The following DOCK2 variants were observed in gnomAD, a reference collection of about 807,000 sequenced individuals.
DOCK2 encodes dedicator of cytokinesis 2, also known as dedicator of cytokinesis protein 2.
Under a neutral mutation model 248.9 loss-of-function variants are expected in DOCK2, and 87 were observed. The observed-to-expected ratio is 0.35, with a 90% CI of 0.29 to 0.42. The LOEUF (loss-of-function observed/expected upper bound fraction) is 0.42. Ranked by LOEUF, DOCK2 falls within the 10% of genes least tolerant of loss-of-function variation. The probability of loss-of-function intolerance (pLI) is 1.00; values close to 1 mark genes in which losing one functional copy is unlikely to be tolerated. For missense variants in DOCK2, 1,747 were observed against 2,300.2 expected, an observed-to-expected ratio of 0.76 and a Z score of 4.92; for synonymous variants, 805 against 821.6, an observed-to-expected ratio of 0.98 and a Z score of 0.35.
chr5:169,995,379 A>G (rs1754581633), intron 29 of DOCK2, among the ~76,000 whole-genome samples: 1 of 152,202 alleles, frequency 6.6e-6, no homozygotes, highest in Admixed American at 6.6e-5. Context: ...AGGGGTATAT[A>G]TAGGAGGTAT....
At chr5:169,696,667 C>T (rs1243248025) in intron 10 of DOCK2, among the ~76,000 whole-genome samples, 7 of 152,030 alleles carry the variant, frequency 4.6e-5, no homozygotes, top group East Asian at 3.8e-4. Context: ...AAGAGTATAC[C>T]GTGCATAACC....
At chr5:169,729,271 G>A (rs530137221) in intron 22 of DOCK2, among the ~76,000 whole-genome samples, 2 of 152,350 alleles carry the variant, frequency 1.3e-5, no homozygotes, top group South Asian at 2.1e-4. Flanking sequence ...ATGACTAGAC[G>A]TACTTTGTGA....
chr5:169,975,100 G>A (rs1223917392), intron 27 of DOCK2, among the ~76,000 whole-genome samples: 1 of 152,154 alleles, frequency 6.6e-6, no homozygotes, highest in Non-Finnish European at 1.5e-5. Context: ...TAAAGTCCAT[G>A]CCCACACCTG....
intron 1 of DOCK2, among the ~76,000 whole-genome samples, chr5:169,641,780 A>G (rs1757166305): frequency 6.6e-6 from 1 of 152,090 alleles, no homozygotes; most frequent in Non-Finnish European, 1.5e-5. Context: ...ATACTCTAAT[A>G]CCACAGTGGT....
chr5:169,815,834 A>T (rs951765880), intron 26 of DOCK2, among the ~76,000 whole-genome samples: 1 of 151,914 alleles, frequency 6.6e-6, no homozygotes, highest in Non-Finnish European at 1.5e-5. Context: ...CTGACCCATA[A>T]ATGGCGTGGC....
intron 44 of DOCK2, among the ~76,000 whole-genome samples, chr5:170,058,465 A>G (rs563425801): frequency 2.6e-5 from 4 of 152,236 alleles, no homozygotes; most frequent in East Asian, 3.9e-4. Flanking sequence ...GTGATATATG[A>G]GGGATTGCTA....
chr5:169,936,443 A>G (rs1172761302), intron 27 of DOCK2, among the ~76,000 whole-genome samples: 1 of 152,206 alleles, frequency 6.6e-6, no homozygotes, highest in Admixed American at 6.5e-5. Context: ...TATCACAGCT[A>G]GTCAATAGCA....
chr5:170,081,687 G>A (rs185631784), intron 50 of DOCK2, 155 bp from the exon 51 acceptor site: 38 of 829,650 alleles, frequency 4.6e-5, no homozygotes, highest in Middle Eastern at 3.7e-4. Flanking sequence ...CCCCTGGCAC[G>A]GCAGGAAATA....
At chr5:169,876,979 C>T (rs1338195667) in intron 27 of DOCK2, among the ~76,000 whole-genome samples, 1 of 152,168 alleles carries the variant, frequency 6.6e-6, no homozygotes, top group Admixed American at 6.5e-5. Flanking sequence ...CTTATAAACA[C>T]CATATTACAA....
At chr5:169,717,888 C>T (rs780169308) in intron 21 of DOCK2, among the ~76,000 whole-genome samples, 1 of 152,060 alleles carries the variant, frequency 6.6e-6, no homozygotes, top group Non-Finnish European at 1.5e-5. Flanking sequence ...ATGGTGAAAC[C>T]CTGTCTCTAC....
chr5:170,075,280 G>A (rs1757799110), intron 46 of DOCK2, among the ~76,000 whole-genome samples: 1 of 152,136 alleles, frequency 6.6e-6, no homozygotes, highest in Non-Finnish European at 1.5e-5. Flanking sequence ...CTGACACTTA[G>A]ACAGTATCCA....
At chr5:170,074,656 C>A (rs1757783205) in intron 46 of DOCK2, among the ~76,000 whole-genome samples, 1 of 152,216 alleles carries the variant, frequency 6.6e-6, no homozygotes, top group Non-Finnish European at 1.5e-5. Flanking sequence ...TTCTTATTTG[C>A]AGTCTGGCTT....
chr5:169,962,019 A>G (rs1253645382), intron 27 of DOCK2, among the ~76,000 whole-genome samples: 1 of 151,312 alleles, frequency 6.6e-6, no homozygotes, highest in African/African-American at 2.4e-5. Context: ...TAGAGGCCAG[A>G]ACTTACTAGA....
At chr5:169,944,394 G>A (rs1333668884) in intron 27 of DOCK2, among the ~76,000 whole-genome samples, 2 of 152,212 alleles carry the variant, frequency 1.3e-5, no homozygotes, top group Non-Finnish European at 2.9e-5. Flanking sequence ...AAAATAGAAC[G>A]TGGCAGCCGT....
intron 36 of DOCK2, 74 bp downstream of exon 36, chr5:170,036,629 C>A: frequency 7.0e-7 from 1 of 1,429,630 alleles, no homozygotes; most frequent in Non-Finnish European, 9.6e-7. Context: ...TGGCTCCCTG[C>A]TGCCTTCAGG....
At chr5:169,986,003 C>T in intron 29 of DOCK2, 81 bp downstream of exon 29, 2 of 1,272,142 alleles carry the variant, frequency 1.6e-6, no homozygotes, top group Non-Finnish European at 2.2e-6. Context: ...AAATTAGGGA[C>T]AATTTCTCCT....
Position 169,985,910 on chromosome 5 carries a change from T to C in DOCK2, c.2981T>C (p.Met994Thr). Residue 994 changes from methionine (M) to threonine (T), a missense_variant, in exon 29 of 52, where the codon ATG becomes ACG. By Grantham distance (81) the Met-to-Thr change is moderately conservative. Transcript: ENST00000520908. ...VYPGDWMAMS[M>T]VQNRVFLRAI... ...CCTGGAGACTGGATGGCCATGAGCA[T>C]GGTTCAAAACAGGTGAGCTGCTACC... is the stretch of plus-strand genomic sequence containing the variant. The C allele has an allele frequency of 6.2e-7, 1 of 1,610,578 alleles. No homozygotes were observed. The highest frequency in any genetic ancestry group is 8.5e-7 in the Non-Finnish European group (1 of 1,177,852).
chr5:169,994,731 G>T (rs947443559), intron 29 of DOCK2, among the ~76,000 whole-genome samples: 6 of 152,200 alleles, frequency 3.9e-5, no homozygotes, highest in Non-Finnish European at 7.4e-5. Context: ...CAAGAAATAA[G>T]CCTAGAAAAG....
At chr5:169,976,908 A>G (rs532500151) in intron 27 of DOCK2, among the ~76,000 whole-genome samples, 1 of 152,346 alleles carries the variant, frequency 6.6e-6, no homozygotes, top group South Asian at 2.1e-4. Flanking sequence ...CTGTGATGCT[A>G]TGCCTTTGAC....
Sources: gnomAD v4.1 joint callset for allele counts (sites outside exome capture counted in the v4.1 genomes callset) on GRCh38, gnomAD v4.1.1 for gene constraint, MANE v1.5 for transcripts, NCBI Gene and HGNC (gene_info 2026-07-23, HGNC 2026-07-21) for gene names.